Variants in PBX1 observed in about 807,000 individuals in gnomAD.
The protein encoded by PBX1 is pre-B-cell leukemia transcription factor 1.
In PBX1, 6 loss-of-function variants were observed where a neutral mutation model predicts 53.4. That is an observed-to-expected ratio of 0.11 (90% CI 0.06 to 0.22). PBX1 has a LOEUF of 0.22. Among genes scored for constraint, PBX1 ranks in the 10% least tolerant of loss-of-function variants. The pLI is 1.00. For missense variants in PBX1, 251 were observed against 551.4 expected (o/e 0.46, Z 5.46); for synonymous variants, 204 against 212.3 (o/e 0.96, Z 0.34).
At chr1:164,807,481 T>C in intron 4 of PBX1, 61 bp from the exon 5 acceptor site, 1 of 1,562,506 alleles carries the variant, frequency 6.4e-7, no homozygotes, top group Non-Finnish European at 8.7e-7. Flanking sequence ...ATTTATTCTC[T>C]CCCATTTTAT....
At chr1:164,665,672 A>G (rs1557927354) in intron 2 of PBX1, among the ~76,000 whole-genome samples, 1 of 152,190 alleles carries the variant, frequency 6.6e-6, no homozygotes, top group Non-Finnish European at 1.5e-5. Flanking sequence ...TGTAGCACCC[A>G]GCTACCCTAT....
At chr1:164,725,732 T>C (rs1411402702) in intron 2 of PBX1, among the ~76,000 whole-genome samples, 1 of 152,124 alleles carries the variant, frequency 6.6e-6, no homozygotes, top group Non-Finnish European at 1.5e-5. Context: ...AAAATTATGC[T>C]CCTATAATGT....
chr1:164,806,321 T>C (rs1669347005), intron 4 of PBX1, among the ~76,000 whole-genome samples: 1 of 152,212 alleles, frequency 6.6e-6, no homozygotes, highest in Non-Finnish European at 1.5e-5. Flanking sequence ...ATTTTCTCCT[T>C]TTTGGCAACC....
intron 2 of PBX1, among the ~76,000 whole-genome samples, chr1:164,712,068 A>G (rs781021246): frequency 1.3e-4 from 18 of 141,458 alleles, no homozygotes; most frequent in Non-Finnish European, 2.8e-4. Context: ...CCTTGCAGGG[A>G]AGGGTCATGG....
intron 2 of PBX1, among the ~76,000 whole-genome samples, chr1:164,883,693 C>T (rs1298269841): frequency 1.3e-5 from 2 of 152,048 alleles, no homozygotes; most frequent in African/African-American, 2.4e-5. Flanking sequence ...TTCTTTATCC[C>T]TGGCCATAAA....
chr1:164,839,554 A>C (rs763921147), intron 8 of PBX1, among the ~76,000 whole-genome samples: 1 of 152,178 alleles, frequency 6.6e-6, no homozygotes, highest in Non-Finnish European at 1.5e-5. Flanking sequence ...AGTGACTCTC[A>C]AGCTGGGCCT....
chr1:164,743,605 C>T (rs1486982784), intron 2 of PBX1, among the ~76,000 whole-genome samples: 1 of 152,076 alleles, frequency 6.6e-6, no homozygotes, highest in African/African-American at 2.4e-5. Context: ...CTTACTAACA[C>T]TGTATCAGTT....
At chr1:164,716,685 T>TACACACACACACACACACAC (rs375539653) in intron 2 of PBX1, among the ~76,000 whole-genome samples, 2,007 of 115,764 alleles carry the variant, frequency 0.017, 39 homozygotes, top group South Asian at 0.037. Context: ...ATGTCATCTC[T>TACACACACACACACACACAC]ACACACACAC....
At chr1:164,844,594 C>CA (rs906862645) in intron 8 of PBX1, among the ~76,000 whole-genome samples, 2 of 152,026 alleles carry the variant, frequency 1.3e-5, no homozygotes, top group African/African-American at 4.8e-5. Flanking sequence ...TCTAATTTCC[C>CA]AAATATTAGC....
At chr1:164,647,511 C>T (rs1216763388) in intron 2 of PBX1, among the ~76,000 whole-genome samples, 3 of 152,172 alleles carry the variant, frequency 2.0e-5, no homozygotes, top group Admixed American at 2.0e-4. Flanking sequence ...ACCCCCTGGG[C>T]CCCTCCCAGG....
chr1:164,701,151 C>T (rs1780345), intron 2 of PBX1, among the ~76,000 whole-genome samples: 34,823 of 152,024 alleles, frequency 0.23, 4,259 homozygotes, highest in East Asian at 0.46. Context: ...TTTTTTTCCC[C>T]TGCTAGGATA....
intron 2 of PBX1, among the ~76,000 whole-genome samples, chr1:164,655,100 G>GTTTTTTTTT (rs35954587): frequency 1.7e-4 from 23 of 138,816 alleles, no homozygotes; most frequent in East Asian, 2.1e-4. Context: ...TCTGATGTGT[G>GTTTTTTTTT]TTTTTTTTTT....
chr1:164,849,144 C>T lies in PBX1; in HGVS notation c.*2468C>T. ...CTTAGGGCAAAGTACGAAAGAGAGA[C>T]AAAAGGGTTCTCTTGGAAACAAGAA... On this transcript the variant is annotated 3_prime_UTR_variant, in exon 9 of 9. Transcript: ENST00000420696. 1 of 1,386,262 alleles carries T rather than the reference C, an allele frequency of 7.2e-7. No individual in the cohort carries two copies. The highest frequency in any genetic ancestry group is 9.3e-7 in the Non-Finnish European group (1 of 1,070,386). 85.9% of individuals were successfully genotyped at this position (1,386,262 alleles called of 1,614,324 possible).
At chr1:164,649,285 G>C (rs965864061) in intron 2 of PBX1, among the ~76,000 whole-genome samples, 2 of 152,090 alleles carry the variant, frequency 1.3e-5, no homozygotes, top group Non-Finnish European at 2.9e-5. Flanking sequence ...CACATCTAAA[G>C]CACTTTTATT....
intron 2 of PBX1, among the ~76,000 whole-genome samples, chr1:164,864,683 G>T (rs1234405330): frequency 6.6e-6 from 1 of 152,142 alleles, no homozygotes; most frequent in Non-Finnish European, 1.5e-5. Flanking sequence ...ATTGCCGTGG[G>T]TCAGCCTGGC....
chr1:164,873,605 G>A (rs1026682848), intron 2 of PBX1, among the ~76,000 whole-genome samples: 1 of 152,158 alleles, frequency 6.6e-6, no homozygotes, highest in African/African-American at 2.4e-5. Context: ...GGAGATGGGG[G>A]GCAGGGGTAG....
intron 2 of PBX1, among the ~76,000 whole-genome samples, chr1:164,773,241 G>GCACACACACACACACACACACACACA (rs746140319): frequency 4.4e-5 from 6 of 135,298 alleles, no homozygotes; most frequent in African/African-American, 1.3e-4. Context: ...TAGGTAACAC[G>GCACACACACACACACACACACACACA]CGCACACACA....
At chr1:164,809,386 G>C (rs1669501325) in intron 5 of PBX1, among the ~76,000 whole-genome samples, 1 of 152,202 alleles carries the variant, frequency 6.6e-6, no homozygotes, top group Admixed American at 6.5e-5. Flanking sequence ...CCATGCCAAA[G>C]TCATGCCATT....
intron 2 of PBX1, among the ~76,000 whole-genome samples, chr1:164,588,593 T>A (rs941689224): frequency 1.3e-5 from 2 of 151,972 alleles, no homozygotes; most frequent in Non-Finnish European, 2.9e-5. Context: ...TTCATCTGTT[T>A]TTTTCCCCAC....
Sources: gnomAD v4.1 joint callset for allele counts (sites outside exome capture counted in the v4.1 genomes callset) on GRCh38, gnomAD v4.1.1 for gene constraint, MANE v1.5 for transcripts, NCBI Gene and HGNC (gene_info 2026-07-23, HGNC 2026-07-21) for gene names.